Variants in CSMD3 observed in about 807,000 individuals in gnomAD.
The protein encoded by CSMD3 is CUB and sushi domain-containing protein 3.
A neutral mutation model predicts 435.2 loss-of-function variants in CSMD3; 177 were observed. The ratio of observed to expected loss-of-function variants is 0.41; its 90% CI spans 0.36 to 0.46. CSMD3 has a LOEUF of 0.46. CSMD3 is among the 20% of genes least tolerant of loss of function. CSMD3 has a pLI of 0.34. For missense variants in CSMD3, 4,265 were observed against 4,504.6 expected, an observed-to-expected ratio of 0.95 and a Z score of 1.52; for synonymous variants, 1,656 against 1,520.5, an observed-to-expected ratio of 1.09 and a Z score of -2.07.
intron 5 of CSMD3, among the ~76,000 whole-genome samples, chr8:113,089,502 GAATA>G (rs368374732): frequency 1.3e-5 from 2 of 152,018 alleles, no homozygotes; most frequent in African/African-American, 4.8e-5. Context: ...CTATATAGCA[GAATA>G]AATATGTAAT....
chr8:112,400,799 C>T, intron 35 of CSMD3, among the ~76,000 whole-genome samples: 1 of 152,084 alleles, frequency 6.6e-6, no homozygotes, highest in Non-Finnish European at 1.5e-5. Context: ...TTTTTGATGG[C>T]TAAAATGCTG....
chr8:113,356,082 G>A (rs1436368159), intron 1 of CSMD3, among the ~76,000 whole-genome samples: 22 of 151,410 alleles, frequency 1.5e-4, no homozygotes, highest in Admixed American at 1.4e-3. Context: ...TCCCATGCAT[G>A]GTCCAATACT....
chr8:113,205,137 C>A (rs147996457), intron 3 of CSMD3, among the ~76,000 whole-genome samples: 213 of 152,190 alleles, frequency 1.4e-3, no homozygotes, highest in Middle Eastern at 0.01. Context: ...ACACCCGTCA[C>A]CCTGCCCGGC....
chr8:112,256,986 A>G (rs1363425642), intron 61 of CSMD3, among the ~76,000 whole-genome samples: 1 of 152,212 alleles, frequency 6.6e-6, no homozygotes, highest in African/African-American at 2.4e-5. Context: ...ATAGACTACC[A>G]TAATCTTGGC....
Position 112,341,486 on chromosome 8 carries a change from C to T in CSMD3, c.6643G>A (p.Val2215Ile), listed in dbSNP as rs2130990708. The T allele has an allele frequency of 6.2e-7, 1 of 1,600,182 alleles. No individual in the cohort carries two copies. Among genetic ancestry groups the T allele is most frequent in the Non-Finnish European group, 8.6e-7 (1 of 1,167,962 alleles). Residue 2215 changes from valine (V) to isoleucine (I), a missense_variant, in exon 42 of 71, where the codon GTA becomes ATA. Around this residue, in one of 3 missense-constraint regions of CSMD3, gnomAD observed 3,255 missense variants for 3,380.2 expected, o/e 0.96. Coordinates refer to ENST00000297405, the MANE Select transcript of CSMD3 (RefSeq NM_198123.2). The part of the protein sequence containing the change: ...YSQNKQGFHI[V>I]YQAYQLQSCP... ...TTATTATTTCTCTTACCTTGGTATA[C>T]AATATGAAACCCTTGTTTGTTTTGT...
rs1469314083 is a variant in CSMD3, at chr8:112,807,642, T to C, written c.1860-7368A>G. Reference sequence around the variant, plus strand: ...AAATATCTCATGGAAAACTGATAGCTGATTTTTTAGAAGCTGTACAACTGT... The same window carrying C: ...AAATATCTCATGGAAAACTGATAGCCGATTTTTTAGAAGCTGTACAACTGT... On this transcript the variant is annotated intron_variant, in intron 12 of 70. Coordinates refer to ENST00000297405, the MANE Select transcript of CSMD3 (RefSeq NM_198123.2). Among the ~76,000 whole-genome samples, 4 of 152,246 alleles carry C rather than the reference T, an allele frequency of 2.6e-5. No homozygotes were observed. In the East Asian group the frequency reaches 7.7e-4, roughly 29 times the overall value.
chr8:112,244,466 A>C lies in CSMD3; in HGVS notation c.10330T>G (p.Leu3444Val), dbSNP rs1452017654. The C allele has an allele frequency of 4.3e-6, 7 of 1,613,946 alleles. No homozygotes were observed. Among genetic ancestry groups the C allele is most frequent in the Non-Finnish European group, 5.9e-6 (7 of 1,179,852 alleles). Residue 3444 changes from leucine to valine, a missense_variant, in exon 65 of 71, where the codon TTA becomes GTA. Around this residue, in one of 3 missense-constraint regions of CSMD3, gnomAD observed 3,255 missense variants for 3,380.2 expected, o/e 0.96. Transcript: ENST00000297405. Reference protein sequence around the residue: ...LIYTCQPGFFLAGGTEHRVCR... With the variant: ...LIYTCQPGFFVAGGTEHRVCR... Reference sequence around the variant, plus strand: ...ACTCTATGTTCTGTTCCACCTGCTAAGAAGAAGCCAGGCTGACAGGTATAA... The same window carrying C: ...ACTCTATGTTCTGTTCCACCTGCTACGAAGAAGCCAGGCTGACAGGTATAA...
At chr8:113,328,730 CTTTTCTTTTTTTT>C in intron 1 of CSMD3, among the ~76,000 whole-genome samples, 1 of 64,034 alleles carries the variant, frequency 1.6e-5, no homozygotes, top group South Asian at 5.9e-4. Flanking sequence ...TTCCTTCCTT[CTTTTCTTTTTTTT>C]TTTTTTTTTT....
intron 31 of CSMD3, among the ~76,000 whole-genome samples, chr8:112,486,867 T>G (rs1056859841): frequency 6.6e-6 from 1 of 152,150 alleles, no homozygotes; most frequent in African/African-American, 2.4e-5. Context: ...AAGGTTGAAT[T>G]CATGTTGTTA....
At chr8:112,727,471 G>A (rs1392113931) in intron 13 of CSMD3, among the ~76,000 whole-genome samples, 1 of 151,798 alleles carries the variant, frequency 6.6e-6, no homozygotes, top group Non-Finnish European at 1.5e-5. Context: ...GAGGGTGAGT[G>A]AGCATTTAAA....
intron 2 of CSMD3, among the ~76,000 whole-genome samples, chr8:113,297,844 T>C (rs962014968): frequency 6.6e-6 from 1 of 152,262 alleles, no homozygotes; most frequent in Admixed American, 6.5e-5. Flanking sequence ...CATTGTTTTA[T>C]GTAACATGCA....
At chr8:112,951,858 A>C (rs2083826161) in intron 8 of CSMD3, among the ~76,000 whole-genome samples, 1 of 151,350 alleles carries the variant, frequency 6.6e-6, no homozygotes, top group Admixed American at 6.6e-5. Flanking sequence ...AGAGGAGCCT[A>C]CTAAAGAATT....
intron 6 of CSMD3, among the ~76,000 whole-genome samples, chr8:113,008,055 C>G (rs1259398139): frequency 6.6e-6 from 1 of 150,600 alleles, no homozygotes; most frequent in African/African-American, 2.4e-5. Context: ...ACTTGTCTAA[C>G]AGTAAGTATG....
intron 5 of CSMD3, among the ~76,000 whole-genome samples, chr8:113,040,094 A>G (rs183265299): frequency 6.6e-6 from 1 of 152,206 alleles, no homozygotes; most frequent in East Asian, 1.9e-4. Flanking sequence ...ATATATGGTT[A>G]GAGGTCTGAG....
intron 13 of CSMD3, among the ~76,000 whole-genome samples, chr8:112,762,106 C>T (rs1284581873): frequency 6.6e-6 from 1 of 151,902 alleles, no homozygotes; most frequent in African/African-American, 2.4e-5. Flanking sequence ...AGATGGCATT[C>T]TTGTGTCTTT....
At chr8:113,320,640 TG>T (rs1329658439) in intron 1 of CSMD3, among the ~76,000 whole-genome samples, 1 of 152,092 alleles carries the variant, frequency 6.6e-6, no homozygotes, top group Non-Finnish European at 1.5e-5. Context: ...TTTAAAAAAT[TG>T]TTCTTGTCAT....
intron 27 of CSMD3, among the ~76,000 whole-genome samples, chr8:112,529,810 A>T (rs1203249111): frequency 6.6e-6 from 1 of 152,176 alleles, no homozygotes; most frequent in Non-Finnish European, 1.5e-5. Context: ...TAATTCAAAC[A>T]AAGGAATAAG....
chr8:113,261,545 T>A (rs181930907), intron 3 of CSMD3, among the ~76,000 whole-genome samples: 1 of 152,222 alleles, frequency 6.6e-6, no homozygotes, highest in East Asian at 1.9e-4. Context: ...ATTTTGCAAC[T>A]GGAAGAGCTT....
At chr8:112,881,515 T>C (rs1020482114) in intron 10 of CSMD3, among the ~76,000 whole-genome samples, 7 of 152,030 alleles carry the variant, frequency 4.6e-5, no homozygotes, top group Non-Finnish European at 7.4e-5. Flanking sequence ...TGTGAACAGG[T>C]TGTAGCCCTT....
Sources: allele counts gnomAD v4.1 joint callset (sites outside exome capture counted in the v4.1 genomes callset), GRCh38; gene constraint gnomAD v4.1.1; regional missense constraint gnomAD v4.1.1; transcripts MANE v1.5; gene names NCBI Gene and HGNC (gene_info 2026-07-23, HGNC 2026-07-21).